The following ERBB4 variants were observed in gnomAD, a reference collection of about 807,000 sequenced individuals.
The protein encoded by ERBB4 is erb-b2 receptor tyrosine kinase 4, also known as receptor tyrosine-protein kinase erbB-4.
In ERBB4, 42 loss-of-function variants were observed where a neutral mutation model predicts 158.0. That is an observed-to-expected ratio of 0.27 (90% confidence interval 0.21 to 0.34). The LOEUF (loss-of-function observed/expected upper bound fraction) is 0.34. Among genes scored for constraint, ERBB4 ranks in the 10% least tolerant of loss-of-function variants. The pLI, the probability that ERBB4 is intolerant of heterozygous loss-of-function variation, is 1.00. For synonymous variants in ERBB4, 583 were observed against 558.7 expected (o/e 1.04, Z -0.61); for missense variants, 1,333 against 1,624.1 (o/e 0.82, Z 3.08).
intron 1 of ERBB4, among the ~76,000 whole-genome samples, chr2:212,481,126 CTT>C (rs1414384622): frequency 1.3e-5 from 2 of 151,910 alleles, no homozygotes; most frequent in East Asian, 1.9e-4. Context: ...TTATATATCT[CTT>C]TATATCACAT....
At chr2:211,781,410 G>A (rs1043966990) in intron 4 of ERBB4, among the ~76,000 whole-genome samples, 1 of 152,156 alleles carries the variant, frequency 6.6e-6, no homozygotes, top group African/African-American at 2.4e-5. Flanking sequence ...CACTTCAGTT[G>A]TTAGTTGGTA....
In ERBB4 at chr2:211,900,482, A is replaced by T. The variant is rs557018593; in HGVS notation, c.421+46948T>A. On this transcript the variant is annotated intron_variant, in intron 3 of 27. Coordinates refer to ENST00000342788, the MANE Select transcript of ERBB4 (RefSeq NM_005235.3). ...TGCTCTTTAAAAGTACAAACCTAGAAAAAAAAAGGTTCCTGTTTGCAGGAA... is the reference window on the plus strand; with the variant it reads ...TGCTCTTTAAAAGTACAAACCTAGATAAAAAAAGGTTCCTGTTTGCAGGAA... 5.0e-4 allele frequency among the ~76,000 whole-genome samples: 76 copies of T among 152,138 alleles called. No homozygotes were observed. The South Asian group carries it at 0.015, about 30-fold the overall frequency.
At chr2:211,688,735 C>T (rs2072676046) in intron 12 of ERBB4, among the ~76,000 whole-genome samples, 1 of 152,130 alleles carries the variant, frequency 6.6e-6, no homozygotes, top group African/African-American at 2.4e-5. Flanking sequence ...AGCTGCTAAG[C>T]ACCCACTAAG....
chr2:211,608,935 A>G (rs771397483), intron 19 of ERBB4, among the ~76,000 whole-genome samples: 1 of 152,106 alleles, frequency 6.6e-6, no homozygotes, highest in Non-Finnish European at 1.5e-5. Flanking sequence ...ATCACTTTCT[A>G]AACATTAAGA....
intron 11 of ERBB4, 99 bp downstream of exon 11, chr2:211,704,005 G>A: frequency 2.5e-6 from 2 of 799,202 alleles, no homozygotes; most frequent in Non-Finnish European, 4.5e-6. Flanking sequence ...GATTTCCCCA[G>A]AATCAGTAAA....
chr2:212,453,106 G>A (rs77631836), intron 1 of ERBB4, among the ~76,000 whole-genome samples: 3,132 of 152,206 alleles, frequency 0.021, 37 homozygotes, highest in South Asian at 0.039. Flanking sequence ...AGAAAACAGG[G>A]ATTATATCTA....
At chr2:211,642,358 C>G (rs1049290165) in intron 16 of ERBB4, among the ~76,000 whole-genome samples, 4 of 151,974 alleles carry the variant, frequency 2.6e-5, no homozygotes, top group African/African-American at 9.7e-5. Context: ...AAACACTGTC[C>G]TCCCTTGAAA....
At chr2:211,807,736 C>T (rs1415045757) in intron 3 of ERBB4, among the ~76,000 whole-genome samples, 7 of 152,164 alleles carry the variant, frequency 4.6e-5, no homozygotes, top group Admixed American at 4.6e-4. Flanking sequence ...GTTTACACTC[C>T]CACCAATGGT....
intron 19 of ERBB4, among the ~76,000 whole-genome samples, chr2:211,600,704 G>T (rs2068772307): frequency 6.6e-6 from 1 of 152,066 alleles, no homozygotes; most frequent in Non-Finnish European, 1.5e-5. Flanking sequence ...CTACATTTGG[G>T]GACACCACAC....
chr2:212,019,758 T>TAAA (rs368132533), intron 2 of ERBB4, among the ~76,000 whole-genome samples: 1,670 of 106,184 alleles, frequency 0.016, 19 homozygotes, highest in Middle Eastern at 0.03. Context: ...CAACATTCTG[T>TAAA]AAAAAAAAAA....
At chr2:211,483,834 A>T (rs1238010216) in intron 20 of ERBB4, among the ~76,000 whole-genome samples, 1 of 152,130 alleles carries the variant, frequency 6.6e-6, no homozygotes, top group Non-Finnish European at 1.5e-5. Flanking sequence ...TACAGGCATG[A>T]ACCACCGTGC....
intron 3 of ERBB4, among the ~76,000 whole-genome samples, chr2:211,820,697 G>C (rs1343290619): frequency 6.6e-6 from 1 of 151,602 alleles, no homozygotes; most frequent in African/African-American, 2.4e-5. Flanking sequence ...ACCAAAATAT[G>C]AGGAAACCAA....
intron 22 of ERBB4, among the ~76,000 whole-genome samples, chr2:211,426,789 C>T (rs2063637978): frequency 6.6e-6 from 1 of 150,848 alleles, no homozygotes; most frequent in South Asian, 2.1e-4. Context: ...AAAGTATATA[C>T]ATATATAAAA....
At position 212,380,180 on chromosome 2, in the gene ERBB4, T is replaced by C. The variant is rs1263486030; in HGVS notation, c.82+158269A>G. 2.6e-5 allele frequency among the ~76,000 whole-genome samples: 4 copies of C among 151,412 alleles called. No homozygotes were observed. The South Asian group carries it at 6.2e-4, about 24-fold the overall frequency. On this transcript the variant is annotated intron_variant, in intron 1 of 27. Transcript: ENST00000342788. ...TCTATATCCATGGGTTCCACATCTGTAGACTCAATGATTAGTAAATAGAAA... is the reference window on the plus strand; with the variant it reads ...TCTATATCCATGGGTTCCACATCTGCAGACTCAATGATTAGTAAATAGAAA...
At chr2:212,166,414 C>G (rs1316036927) in intron 1 of ERBB4, among the ~76,000 whole-genome samples, 2 of 151,954 alleles carry the variant, frequency 1.3e-5, no homozygotes, top group Non-Finnish European at 2.9e-5. Context: ...CAAAACACTT[C>G]TACAAAATTG....
At chr2:211,526,558 T>A (rs928377399) in intron 20 of ERBB4, among the ~76,000 whole-genome samples, 1 of 152,002 alleles carries the variant, frequency 6.6e-6, no homozygotes, top group African/African-American at 2.4e-5. Flanking sequence ...ACTTAACTCT[T>A]CAATGCCCAG....
chr2:211,495,323 T>G (rs147969078), intron 20 of ERBB4, among the ~76,000 whole-genome samples: 1 of 152,210 alleles, frequency 6.6e-6, no homozygotes, highest in African/African-American at 2.4e-5. Context: ...AGACTGAATA[T>G]AATAAAAATA....
At chr2:211,820,807 C>G (rs929907452) in intron 3 of ERBB4, among the ~76,000 whole-genome samples, 2 of 151,674 alleles carry the variant, frequency 1.3e-5, no homozygotes, top group Non-Finnish European at 3.0e-5. Flanking sequence ...AAACATGACA[C>G]GTCACCTCAA....
chr2:211,696,974 T>G (rs983741154), intron 12 of ERBB4, among the ~76,000 whole-genome samples: 5 of 152,158 alleles, frequency 3.3e-5, no homozygotes, highest in Non-Finnish European at 7.3e-5. Context: ...CCGGCCAATA[T>G]TTTCTTTATT....
Sources: gnomAD v4.1 joint callset for allele counts (sites outside exome capture counted in the v4.1 genomes callset) on GRCh38, gnomAD v4.1.1 for gene constraint, MANE v1.5 for transcripts, NCBI Gene and HGNC (gene_info 2026-07-23, HGNC 2026-07-21) for gene names.